NCOR1: variants seen among roughly 807,000 people sequenced by gnomAD.
NCOR1 encodes protein phosphatase 1, regulatory subunit 109.
NCOR1 carries 63 observed loss-of-function variants against 288.1 expected under a neutral mutation model. The ratio of observed to expected loss-of-function variants is 0.22; its 90% CI spans 0.18 to 0.27. NCOR1 has a LOEUF of 0.27. NCOR1 is among the 10% of genes least tolerant of loss of function. The pLI is 1.00. For missense variants in NCOR1, 2,397 were observed against 3,019.2 expected (o/e 0.79, Z 4.83); for synonymous variants, 1,007 against 1,065.9 (o/e 0.94, Z 1.08).
At chr17:16,155,651 C>G (rs767918716) in intron 6 of NCOR1, among the ~76,000 whole-genome samples, 1 of 152,140 alleles carries the variant, frequency 6.6e-6, no homozygotes, top group Non-Finnish European at 1.5e-5. Flanking sequence ...TTTCCTCCCA[C>G]TACCTTTCTA....
At chr17:16,114,891 C>G (rs1054744682) in intron 18 of NCOR1, among the ~76,000 whole-genome samples, 1 of 152,064 alleles carries the variant, frequency 6.6e-6, no homozygotes, top group African/African-American at 2.4e-5. Flanking sequence ...GGATGGTGGC[C>G]CTCTTCTTAC....
intron 9 of NCOR1, among the ~76,000 whole-genome samples, chr17:16,148,760 C>T (rs182497456): frequency 4.3e-4 from 64 of 149,018 alleles, no homozygotes; most frequent in Non-Finnish European, 7.9e-4. Context: ...ACGTTTTCCA[C>T]CAAATAAAGC....
At chr17:16,145,749 C>G (rs577058236) in intron 10 of NCOR1, among the ~76,000 whole-genome samples, 2 of 151,786 alleles carry the variant, frequency 1.3e-5, no homozygotes. Context: ...CCGCCCCATC[C>G]GGGGGGTGGG....
chr17:16,092,025 T>G lies in NCOR1; in HGVS notation c.2854A>C (p.Thr952Pro), dbSNP rs866838735. Reference sequence around the variant, plus strand: ...TAGAGAGCATAGCCGCTCACTGGGGTTCCAATTGGTATGTTACATGGGGTG... The same window carrying G: ...TAGAGAGCATAGCCGCTCACTGGGGGTCCAATTGGTATGTTACATGGGGTG... ...SCTPCNIPIG[T>P]PVSGYALYQR... Residue 952 changes from threonine to proline, a missense_variant, in exon 22 of 46, where the codon ACC (threonine) becomes CCC (proline). Thr to Pro is a conservative substitution (Grantham distance 38, BLOSUM62 -1). Transcript: ENST00000268712. 6 of 1,613,908 alleles carry G rather than the reference T, an allele frequency of 3.7e-6. No individual in the cohort carries two copies. The African/African-American group carries it at 6.7e-5, about 18-fold the overall frequency.
intron 23 of NCOR1, among the ~76,000 whole-genome samples, chr17:16,082,995 T>C (rs1436604100): frequency 6.6e-6 from 1 of 152,100 alleles, no homozygotes; most frequent in Non-Finnish European, 1.5e-5. Flanking sequence ...TTCATGTCCA[T>C]GTTCACCAAT....
intron 1 of NCOR1, among the ~76,000 whole-genome samples, chr17:16,213,489 C>CAAAAA (rs537795184): frequency 0.04 from 3,130 of 77,982 alleles, 212 homozygotes; most frequent in East Asian, 0.088. Context: ...AAGACTGTCT[C>CAAAAA]AAAAAAAAAA....
At chr17:16,125,158 G>A (rs2073793080) in intron 15 of NCOR1, among the ~76,000 whole-genome samples, 1 of 152,038 alleles carries the variant, frequency 6.6e-6, no homozygotes, top group Non-Finnish European at 1.5e-5. Context: ...GAGGTCAGGA[G>A]TTCAAGATCA....
chr17:16,071,712 C>G (rs201181980), intron 29 of NCOR1, 47 bp from the exon 30 acceptor site: 385 of 1,548,560 alleles, frequency 2.5e-4, no homozygotes, highest in Non-Finnish European at 3.0e-4. Flanking sequence ...GATGGTTGCA[C>G]AACAATGCCA....
intron 3 of NCOR1, among the ~76,000 whole-genome samples, chr17:16,180,141 C>G (rs1177105350): frequency 6.6e-6 from 1 of 151,858 alleles, no homozygotes; most frequent in Non-Finnish European, 1.5e-5. Flanking sequence ...GACATTTCTC[C>G]AAAGAAAACA....
rs1213461438 is a variant in NCOR1 at position 16,092,675 on chromosome 17, ATATATATATATATATATATATTTT to A, written c.2821-641_2821-618del. The stretch of plus-strand genomic sequence containing the variant: ...TATATATATATATATATATATATAT[ATATATATATATATATATATATTTT>A]TTTTTTTTTTTTTTTTTAAGACATA... On this transcript the variant is annotated intron_variant, in intron 21 of 45. Transcript: ENST00000268712. Among the ~76,000 whole-genome samples, 8 of 18,218 alleles carry A rather than the reference ATATATATATATATATATATATTTT, an allele frequency of 4.4e-4. 1 individual carries two copies. The highest frequency in any genetic ancestry group is 3.8e-3 in the Admixed American group (6 of 1,564). 12.0% of individuals were successfully genotyped at this position (18,218 alleles called of 152,430 possible). A position where few individuals can be genotyped will look rare whatever the true frequency, so the allele number is the denominator to read the frequency against.
chr17:16,052,637 G>A (rs2059452870), intron 40 of NCOR1, among the ~76,000 whole-genome samples: 1 of 152,142 alleles, frequency 6.6e-6, no homozygotes, highest in Non-Finnish European at 1.5e-5. Flanking sequence ...AAAAGCCCAT[G>A]ACCAGACACA....
Position 16,091,870 on chromosome 17 carries a change from C to A in NCOR1, c.3009G>T (p.Glu1003Asp), listed in dbSNP as rs764062939. 1 of 1,614,118 alleles carries A rather than the reference C, an allele frequency of 6.2e-7. No homozygotes were observed. ...PCGTSKSPNR[E>D]WEVLQPAPHQ... is the part of the protein sequence containing the mutation. ...ATAGCTCTATCTACCTACCTTCCCA[C>A]TCTCTGTTTGGACTCTTGGATGTGC... Residue 1003 changes from glutamate (E) to aspartate (D), a missense_variant, in exon 22 of 46, where the codon GAG becomes GAT. This residue lies in a region of NCOR1 where 1,872 missense variants were observed against 2,187.8 expected (regional missense o/e 0.86). Transcript: ENST00000268712.
At chr17:16,092,671 ATATATATATATATATATATATATATTTT>A (rs1288899942) in intron 21 of NCOR1, among the ~76,000 whole-genome samples, 9 of 15,680 alleles carry the variant, frequency 5.7e-4, no homozygotes, top group South Asian at 3.5e-3. Context: ...ATATATATAT[ATATATATATATATATATATATATATTTT>A]TTTTTTTTTT....
At chr17:16,112,347 T>C (rs1475782230) in intron 18 of NCOR1, among the ~76,000 whole-genome samples, 2 of 152,244 alleles carry the variant, frequency 1.3e-5, no homozygotes, top group African/African-American at 2.4e-5. Context: ...GGCCGCTTTG[T>C]ATACACACTT....
rs147590431 is a variant in NCOR1 at position 16,134,759 on chromosome 17, T to C, written c.1509+2552A>G. Among the ~76,000 whole-genome samples the C allele has an allele frequency of 3.3e-5, 5 of 152,366 alleles. No homozygotes were observed. The East Asian group carries it at 9.6e-4, about 29-fold the overall frequency. On this transcript the variant is annotated intron_variant, in intron 14 of 45. Coordinates refer to ENST00000268712, the MANE Select transcript of NCOR1 (RefSeq NM_006311.4). Reference sequence around the variant, plus strand: ...AAGGTACACTGTATAAGTATCACCTTATCTCTTACGTTAATGTAGGACTGA... The same window carrying C: ...AAGGTACACTGTATAAGTATCACCTCATCTCTTACGTTAATGTAGGACTGA...
intron 40 of NCOR1, among the ~76,000 whole-genome samples, chr17:16,051,012 GT>G (rs906985507): frequency 6.6e-6 from 1 of 151,670 alleles, no homozygotes; most frequent in Non-Finnish European, 1.5e-5. Context: ...TTATTTTTTA[GT>G]TTTTTTGTGG....
chr17:16,093,818 A>G (rs2065843494), intron 21 of NCOR1, among the ~76,000 whole-genome samples: 1 of 152,204 alleles, frequency 6.6e-6, no homozygotes, highest in Admixed American at 6.5e-5. Context: ...CTAATTAAGA[A>G]GACACTCCCT....
Position 16,212,048 on chromosome 17 carries a change from C to T in NCOR1, c.-71+3314G>A, listed in dbSNP as rs1037103964. Among the ~76,000 whole-genome samples, 20 of 152,144 alleles carry T rather than the reference C, an allele frequency of 1.3e-4. No homozygotes were observed. The East Asian group carries it at 3.7e-3, about 28-fold the overall frequency. On this transcript the variant is annotated intron_variant, in intron 1 of 45. Transcript: ENST00000268712. The stretch of plus-strand genomic sequence containing the variant: ...ATCCCAGCACTTTGGGAGGCCAAGG[C>T]GGGTAGATCATGAGGTCAGGAGTTC...
intron 19 of NCOR1, among the ~76,000 whole-genome samples, chr17:16,105,827 C>T (rs1227950376): frequency 3.3e-5 from 5 of 152,136 alleles, no homozygotes; most frequent in Non-Finnish European, 5.9e-5. Flanking sequence ...TGGCCAGGCG[C>T]GGTGGCTCAT....
Sources: allele counts gnomAD v4.1 joint callset (sites outside exome capture counted in the v4.1 genomes callset), GRCh38; gene constraint gnomAD v4.1.1; regional missense constraint gnomAD v4.1.1; transcripts MANE v1.5; gene names NCBI Gene and HGNC (gene_info 2026-07-23, HGNC 2026-07-21).